DCC: variants seen among roughly 807,000 people sequenced by gnomAD.
The protein encoded by DCC is DCC netrin 1 receptor, also known as netrin receptor DCC.
A neutral mutation model predicts 172.5 loss-of-function variants in DCC; 58 were observed. That is an observed-to-expected ratio of 0.34 (90% CI 0.27 to 0.42). DCC has a LOEUF of 0.42. Ranked by LOEUF, DCC falls within the 10% of genes least tolerant of loss-of-function variation. DCC has a pLI of 1.00. For missense variants in DCC, 1,740 were observed against 1,791.0 expected, an observed-to-expected ratio of 0.97 and a Z score of 0.51; for synonymous variants, 709 against 644.5, an observed-to-expected ratio of 1.10 and a Z score of -1.52.
At chr18:53,170,399 A>T (rs747781810) in intron 8 of DCC, among the ~76,000 whole-genome samples, 1 of 152,262 alleles carries the variant, frequency 6.6e-6, no homozygotes, top group Non-Finnish European at 1.5e-5. Context: ...TTGCAAAGAA[A>T]ATTAATATGA....
intron 1 of DCC, among the ~76,000 whole-genome samples, chr18:52,448,201 CG>C (rs1165415247): frequency 6.6e-6 from 1 of 152,138 alleles, no homozygotes; most frequent in Non-Finnish European, 1.5e-5. Context: ...ACTGCACATT[CG>C]AGGGATCGAC....
intron 5 of DCC, among the ~76,000 whole-genome samples, chr18:53,004,912 T>A (rs758735990): frequency 3.1e-4 from 47 of 152,180 alleles, no homozygotes; most frequent in Non-Finnish European, 6.3e-4. Flanking sequence ...AATGCACCAG[T>A]GTTGACAGGT....
At chr18:53,370,173 T>A (rs1051408816) in intron 15 of DCC, among the ~76,000 whole-genome samples, 2 of 151,834 alleles carry the variant, frequency 1.3e-5, no homozygotes, top group African/African-American at 2.4e-5. Flanking sequence ...TGTGATTTAG[T>A]CTTGGTTGGT....
chr18:53,358,391 A>G (rs923239636), intron 15 of DCC, among the ~76,000 whole-genome samples: 1 of 152,108 alleles, frequency 6.6e-6, no homozygotes, highest in African/African-American at 2.4e-5. Flanking sequence ...TGTAATAGAT[A>G]GTAGGCTTAA....
At chr18:52,721,604 CA>C (rs1472177980) in intron 1 of DCC, among the ~76,000 whole-genome samples, 1 of 152,182 alleles carries the variant, frequency 6.6e-6, no homozygotes, top group African/African-American at 2.4e-5. Context: ...TCCTAAGGCA[CA>C]GTGAGGAGGA....
chr18:53,169,811 C>G (rs546649652), intron 8 of DCC, among the ~76,000 whole-genome samples: 4 of 152,066 alleles, frequency 2.6e-5, no homozygotes, highest in Admixed American at 2.6e-4. Context: ...TCTTCAGAAC[C>G]CAGTGTGCTT....
At chr18:52,802,497 C>T (rs1346226413) in intron 2 of DCC, among the ~76,000 whole-genome samples, 1 of 150,314 alleles carries the variant, frequency 6.7e-6, no homozygotes, top group South Asian at 2.1e-4. Flanking sequence ...TTTTTTGAGA[C>T]AAGGTCTCAC....
intron 5 of DCC, among the ~76,000 whole-genome samples, chr18:52,953,725 A>G (rs1385597712): frequency 2.6e-5 from 4 of 152,246 alleles, no homozygotes; most frequent in Non-Finnish European, 5.9e-5. Context: ...TCAGTGTGTT[A>G]GGAGCAGGAA....
chr18:53,412,623 T>A (rs556281471), intron 20 of DCC, among the ~76,000 whole-genome samples: 18 of 147,704 alleles, frequency 1.2e-4, no homozygotes, highest in African/African-American at 4.4e-4. Flanking sequence ...GGCTTAGATG[T>A]CCCGAAGCTG....
rs1433152063 is a variant in DCC, at chr18:53,428,252, TTAA to T, written c.3164-6886_3164-6884del. Among the ~76,000 whole-genome samples the T allele has an allele frequency of 4.6e-4, 16 of 34,898 alleles. 2 individuals carry two copies. Among genetic ancestry groups the T allele is most frequent in the Admixed American group, 8.6e-4 (2 of 2,338 alleles). The allele number at this position is 34,898 out of a possible 152,430, so 22.9% of individuals were successfully genotyped here. On this transcript the variant is annotated intron_variant, in intron 21 of 28. Coordinates refer to ENST00000442544, the MANE Select transcript of DCC (RefSeq NM_005215.4). ...ATTATATATATAATTAATTATATATTTAATAATATATTATATAGAATATAATAA... is the reference window on the plus strand; with the variant it reads ...ATTATATATATAATTAATTATATATTTAATATATTATATAGAATATAATAA...
chr18:52,904,638 C>A (rs1248227552), intron 2 of DCC, among the ~76,000 whole-genome samples: 1 of 152,112 alleles, frequency 6.6e-6, no homozygotes, highest in Non-Finnish European at 1.5e-5. Flanking sequence ...GACAATCAAG[C>A]TTTCTGGACA....
Position 53,318,953 on chromosome 18 carries a change from A to G in DCC, c.2054-3094A>G, listed in dbSNP as rs559159582. Among the ~76,000 whole-genome samples, 22 of 152,322 alleles carry G rather than the reference A, an allele frequency of 1.4e-4. No individual in the cohort carries two copies. In the South Asian group the frequency reaches 2.5e-3, roughly 17 times the overall value. The stretch of plus-strand genomic sequence containing the variant: ...GCAAGTCCGATAATAGTGGGGGCCA[A>G]TATTCAACATTCTTAAGGAAAAGAA... On this transcript the variant is annotated intron_variant, in intron 13 of 28. Coordinates refer to ENST00000442544, the MANE Select transcript of DCC (RefSeq NM_005215.4).
chr18:52,820,218 T>G (rs926372030), intron 2 of DCC, among the ~76,000 whole-genome samples: 1 of 152,174 alleles, frequency 6.6e-6, no homozygotes, highest in Non-Finnish European at 1.5e-5. Flanking sequence ...GTATTTGTGG[T>G]GATTGAAGTT....
At chr18:52,937,996 AAGGCAACTCCAGCTC>A (rs1247076970) in intron 5 of DCC, among the ~76,000 whole-genome samples, 1 of 152,136 alleles carries the variant, frequency 6.6e-6, no homozygotes, top group Non-Finnish European at 1.5e-5. Flanking sequence ...GTCCATGTTC[AAGGCAACTCCAGCTC>A]AGTGCCTAGA....
At chr18:52,705,828 T>G (rs2036200331) in intron 1 of DCC, among the ~76,000 whole-genome samples, 1 of 152,220 alleles carries the variant, frequency 6.6e-6, no homozygotes, top group African/African-American at 2.4e-5. Flanking sequence ...AGTGAATTTA[T>G]AATTCATTCA....
At chr18:52,931,779 GACTT>G (rs1347703781) in intron 5 of DCC, 1 of 151,950 alleles carries the variant, frequency 6.6e-6, no homozygotes, top group East Asian at 1.9e-4. Context: ...TAGCATTTCT[GACTT>G]ACAGTAATCA....
At chr18:53,469,701 A>G (rs982206872) in intron 25 of DCC, among the ~76,000 whole-genome samples, 3 of 152,126 alleles carry the variant, frequency 2.0e-5, no homozygotes, top group Non-Finnish European at 4.4e-5. Flanking sequence ...ACAAATATTA[A>G]TATTCTGTCA....
intron 7 of DCC, among the ~76,000 whole-genome samples, chr18:53,073,257 G>A (rs1179264169): frequency 6.6e-6 from 1 of 152,176 alleles, no homozygotes; most frequent in African/African-American, 2.4e-5. Context: ...CCGGCGCGGT[G>A]GCTCAGGCCT....
At chr18:53,100,435 A>G (rs940538247) in intron 7 of DCC, among the ~76,000 whole-genome samples, 2 of 152,124 alleles carry the variant, frequency 1.3e-5, no homozygotes, top group African/African-American at 4.8e-5. Context: ...TTCACAGCAA[A>G]TAAATAGAAA....
Sources: allele counts gnomAD v4.1 joint callset (sites outside exome capture counted in the v4.1 genomes callset), GRCh38; gene constraint gnomAD v4.1.1; transcripts MANE v1.5; gene names NCBI Gene and HGNC (gene_info 2026-07-23, HGNC 2026-07-21).